The following MEGF8 variants were observed in gnomAD, a reference collection of about 807,000 sequenced individuals.
MEGF8 encodes the protein multiple epidermal growth factor-like domains protein 8.
MEGF8 carries 156 observed loss-of-function variants against 302.9 expected under a neutral mutation model. The ratio of observed to expected loss-of-function variants is 0.52; its 90% CI spans 0.45 to 0.59. The LOEUF is 0.59. MEGF8 is among the 20% of genes least tolerant of loss of function. The pLI, the probability that MEGF8 is intolerant of heterozygous loss-of-function variation, is 0.00. For synonymous variants in MEGF8, 1,621 were observed against 1,660.5 expected (o/e 0.98, Z 0.58); for missense variants, 3,345 against 3,964.5 (o/e 0.84, Z 4.20).
Position 42,352,537 on chromosome 19 carries a change from C to T in MEGF8, c.3350+81C>T, listed in dbSNP as rs900439331. 1.1e-5 allele frequency: 16 copies of T among 1,477,142 alleles called. No homozygotes were observed. In the South Asian group the frequency reaches 2.0e-4, roughly 18 times the overall value. The allele number at this position is 1,477,142 out of a possible 1,614,324, so 91.5% of individuals were successfully genotyped here. ...GTGGAGGGAGGAAGCCATCATGGCG[C>T]TGGGTCCCCTCCTGTGGAACCAGCA... On this transcript the variant is annotated intron_variant, in intron 19 of 41. Coordinates refer to ENST00000251268, the MANE Select transcript of MEGF8 (RefSeq NM_001271938.2). This position sits in a 1 kb window ranked among gnomAD's most constrained non-coding sequence, Gnocchi z 4.4.
Position 42,358,670 on chromosome 19 carries a change from C to G in MEGF8, c.5176-117C>G. 7.9e-7 allele frequency: 1 copy of G among 1,261,024 alleles called. No individual in the cohort carries two copies. Among genetic ancestry groups the G allele is most frequent in the Non-Finnish European group, 1.1e-6 (1 of 932,540 alleles). 78.1% of individuals were successfully genotyped at this position (1,261,024 alleles called of 1,614,324 possible). On this transcript the variant is annotated intron_variant, in intron 29 of 41. Transcript: ENST00000251268. The surrounding 1 kb of genome is among the most constrained non-coding windows in gnomAD (Gnocchi z 4.4). The stretch of plus-strand genomic sequence containing the variant: ...GGGAGGGCAGGGAGCCCTGTCTGCA[C>G]TGGTTAGAGAGGCTGGTGGTTTCAG...
At position 42,349,585 on chromosome 19, in the gene MEGF8, T is replaced by C. The variant is rs960135061; in HGVS notation, c.2385T>C (p.Pro795=). 82 of 1,611,784 alleles carry C rather than the reference T, an allele frequency of 5.1e-5. No homozygotes were observed. Among genetic ancestry groups the C allele is most frequent in the Non-Finnish European group, 6.9e-5 (81 of 1,179,844 alleles). The change falls in exon 14 of 42, where the codon CCT becomes CCC. Residue 795 remains proline, a synonymous_variant. Transcript: ENST00000251268. ...GGTCTGCTCGCCTCTTCCCTCTGCC[T>C]GGGCGGGACCACAAGTATGCAGTAG... ...RPGSARLFPL[P]GRDHKYAVEI...
Position 42,370,218 on chromosome 19 carries a change from GT to G in MEGF8, c.6867del (p.Phe2289LeufsTer52). On this transcript the variant is annotated frameshift_variant, in exon 39 of 42. Transcript: ENST00000251268. LOFTEE classifies it high-confidence loss of function. ...GCCACTGTGAGCAGTGCCTCCCGCT[GT>G]TTGTGGGTTCAGCTGTCGGAGGCGG... ...GSHCEQCLPL[F>X]VGSAVGGGTC... 1.2e-6 allele frequency: 2 copies of G among 1,613,642 alleles called. No homozygotes were observed. Among genetic ancestry groups the G allele is most frequent in the Non-Finnish European group, 8.5e-7 (1 of 1,179,862 alleles).
chr19:42,353,544 C>T lies in MEGF8; in HGVS notation c.3630C>T (p.Pro1210=), dbSNP rs1235464134. The change falls in exon 21 of 42, where the codon CCC becomes CCT. Residue 1210 remains proline, a synonymous_variant. Coordinates refer to ENST00000251268, the MANE Select transcript of MEGF8 (RefSeq NM_001271938.2). The surrounding 1 kb of genome is among the most constrained non-coding windows in gnomAD (Gnocchi z 6.1). ...GNATGSRGCR[P]CQCNGHGDPR... is the part of the protein sequence containing the mutation. The stretch of plus-strand genomic sequence containing the variant: ...CCACAGGCTCTAGGGGCTGCCGGCC[C>T]TGCCAGTGCAACGGGCACGGGGACC... 6.2e-7 allele frequency: 1 copy of T among 1,606,336 alleles called. No homozygotes were observed.
rs548945656 is a variant in MEGF8, at chr19:42,335,051, G to A, written c.575G>A (p.Arg192His). 9.3e-6 allele frequency: 15 copies of A among 1,612,866 alleles called. No individual in the cohort carries two copies. Among genetic ancestry groups the A allele is most frequent in the East Asian group, 4.5e-5 (2 of 44,864 alleles). ...TTCCCGCAGCCCCTGGGACCATGCC[G>A]CTGTGAGCCTGGCTTCTTGGGACGT... ...GTCASPLGPC[R>H]CEPGFLGRAC... Residue 192 changes from arginine (R) to histidine (H), a missense_variant, in exon 4 of 42, where the codon CGC becomes CAC. By Grantham distance (29) the Arg-to-His change is conservative (BLOSUM62 0). Coordinates refer to ENST00000251268, the MANE Select transcript of MEGF8 (RefSeq NM_001271938.2).
In MEGF8 at chr19:42,353,365, T is replaced by C. The variant is rs2039404293; in HGVS notation, c.3551-100T>C. 2 of 1,382,610 alleles carry C rather than the reference T, an allele frequency of 1.4e-6. No homozygotes were observed. Among genetic ancestry groups the C allele is most frequent in the Non-Finnish European group, 2.0e-6 (2 of 1,015,728 alleles). The allele number at this position is 1,382,610 out of a possible 1,614,324, so 85.6% of individuals were successfully genotyped here. A position where few individuals can be genotyped will look rare whatever the true frequency, so the allele number is the denominator to read the frequency against. ...TGATCTGGGCCTTGGTTTCTCACCTTTGAAGCGGCTGGGTGGGGTCAGGGT... is the reference window on the plus strand; with the variant it reads ...TGATCTGGGCCTTGGTTTCTCACCTCTGAAGCGGCTGGGTGGGGTCAGGGT... On this transcript the variant is annotated intron_variant, in intron 20 of 41. Transcript: ENST00000251268. The surrounding 1 kb of genome is among the most constrained non-coding windows in gnomAD (Gnocchi z 6.1).
Position 42,343,976 on chromosome 19 carries a change from T to G in MEGF8, c.1691T>G (p.Met564Arg), listed in dbSNP as rs1309551308. Reference sequence around the variant, plus strand: ...CAGTACCACTTGGACTACTGCTCCATGTACACAGACCACAGCGTCTGCTCC... The same window carrying G: ...CAGTACCACTTGGACTACTGCTCCAGGTACACAGACCACAGCGTCTGCTCC... ...APDYHLDYCS[M>R]YTDHSVCSRD... The change falls in exon 10 of 42, where the codon ATG (methionine) becomes AGG (arginine). Residue 564 changes from methionine (M) to arginine (R), a missense_variant. Transcript: ENST00000251268. 1 of 1,613,736 alleles carries G rather than the reference T, an allele frequency of 6.2e-7. No homozygotes were observed. Among genetic ancestry groups the G allele is most frequent in the East Asian group, 2.2e-5 (1 of 44,872 alleles).
intron 40 of MEGF8, 142 bp downstream of exon 40, chr19:42,370,973 C>T (rs938145044): frequency 3.6e-5 from 21 of 586,038 alleles, no homozygotes; most frequent in African/African-American, 3.2e-4. Flanking sequence ...CCCCAGGGAG[C>T]GCCCAGGCTG....
Position 42,368,904 on chromosome 19 carries a change from G to C in MEGF8, c.6543G>C (p.Glu2181Asp). ...TCCTGTCCTGCCCCCCTGAGGACGA[G>C]TGTGCAAACGGGCACCACGACTGCA... Reference protein sequence around the residue: ...WAFLSCPPEDECANGHHDCNE... With the variant: ...WAFLSCPPEDDCANGHHDCNE... Residue 2181 changes from glutamate to aspartate, a missense_variant, in exon 37 of 42, where the codon GAG (glutamate) becomes GAC (aspartate). By Grantham distance (45) the Glu-to-Asp change is conservative. Transcript: ENST00000251268. This position sits in a 1 kb window ranked among gnomAD's most constrained non-coding sequence, Gnocchi z 4.9. The C allele has an allele frequency of 6.2e-7, 1 of 1,613,924 alleles. No homozygotes were observed. Among genetic ancestry groups the C allele is most frequent in the Non-Finnish European group, 8.5e-7 (1 of 1,179,898 alleles).
rs952857076 is a variant in MEGF8, at chr19:42,358,712, C to T, written c.5176-75C>T. The T allele has an allele frequency of 4.2e-6, 6 of 1,444,626 alleles. No homozygotes were observed. The highest frequency in any genetic ancestry group is 2.8e-5 in the Admixed American group (1 of 35,158). 89.5% of individuals were successfully genotyped at this position (1,444,626 alleles called of 1,614,324 possible). ...TGGTTTCAGTCCACACGTTTCCAAG[C>T]CCGTCTTGGAGGCAGGGGGCTAGAA... On this transcript the variant is annotated intron_variant, in intron 29 of 41. Transcript: ENST00000251268. This position sits in a 1 kb window ranked among gnomAD's most constrained non-coding sequence, Gnocchi z 4.4.
intron 39 of MEGF8, 165 bp downstream of exon 39, chr19:42,370,524 C>A (rs1568576807): frequency 5.5e-6 from 5 of 904,122 alleles, no homozygotes; most frequent in African/African-American, 1.7e-5. Flanking sequence ...GTCTTGAACT[C>A]CTGGGTCTGA....
rs1223679524 is a variant in MEGF8, at chr19:42,358,102, T to C, written c.5012-42T>C. The stretch of plus-strand genomic sequence containing the variant: ...CGGGAGGTCGGCGGGGTCAGTGCTG[T>C]TGTCAGCCCCTCCCCCAGCCTGTCA... On this transcript the variant is annotated intron_variant, in intron 28 of 41. Coordinates refer to ENST00000251268, the MANE Select transcript of MEGF8 (RefSeq NM_001271938.2). The surrounding 1 kb of genome is among the most constrained non-coding windows in gnomAD (Gnocchi z 4.4). The C allele has an allele frequency of 1.4e-6, 2 of 1,479,020 alleles. No homozygotes were observed. Among genetic ancestry groups the C allele is most frequent in the East Asian group, 5.2e-5 (2 of 38,234 alleles). 91.6% of individuals were successfully genotyped at this position (1,479,020 alleles called of 1,614,324 possible). A position where few individuals can be genotyped will look rare whatever the true frequency, so the allele number is the denominator to read the frequency against.
Position 42,356,820 on chromosome 19 carries a change from G to A in MEGF8, c.4669G>A (p.Glu1557Lys), listed in dbSNP as rs767649270. Reference sequence around the variant, plus strand: ...GTGGACACAGATGCTGGCGGGAGCCGAGGACGGGGGCCCAGGCCCATCGCC... The same window carrying A: ...GTGGACACAGATGCTGGCGGGAGCCAAGGACGGGGGCCCAGGCCCATCGCC... Reference protein sequence around the residue: ...RRWTQMLAGAEDGGPGPSPRS... With the variant: ...RRWTQMLAGAKDGGPGPSPRS... The change falls in exon 27 of 42, where the codon GAG (glutamate) becomes AAG (lysine). Residue 1557 changes from glutamate (E) to lysine (K), a missense_variant. Glu to Lys is a moderately conservative substitution (Grantham distance 56). Transcript: ENST00000251268. The surrounding 1 kb of genome is among the most constrained non-coding windows in gnomAD (Gnocchi z 5.2). 2.1e-5 allele frequency: 33 copies of A among 1,557,996 alleles called. No individual in the cohort carries two copies. Among genetic ancestry groups the A allele is most frequent in the South Asian group, 7.1e-5 (6 of 84,644 alleles).
chr19:42,349,731 C>A, intron 14 of MEGF8, 32 bp downstream of exon 14: 1 of 1,595,232 alleles, frequency 6.3e-7, no homozygotes, highest in Admixed American at 1.7e-5. Context: ...CCAACCCTAG[C>A]CGCAGGCCCC....
chr19:42,337,406 C>G (rs1453532796), intron 8 of MEGF8, among the ~76,000 whole-genome samples, 200 bp downstream of exon 8: 1 of 152,212 alleles, frequency 6.6e-6, no homozygotes, highest in Non-Finnish European at 1.5e-5. Flanking sequence ...ACCGCAGTAT[C>G]CAATGTGGGT....
At chr19:42,371,588 A>G in intron 41 of MEGF8, 106 bp downstream of exon 41, 1 of 1,490,212 alleles carries the variant, frequency 6.7e-7, no homozygotes, top group Non-Finnish European at 9.1e-7. Context: ...ATGGTTCCAA[A>G]TCAGTGGTTT....
chr19:42,334,437 C>T (rs940248623), intron 3 of MEGF8, among the ~76,000 whole-genome samples: 2 of 151,830 alleles, frequency 1.3e-5, no homozygotes, highest in African/African-American at 2.4e-5. Flanking sequence ...GGATATCCCA[C>T]TCTCATCTAT....
rs745705294 is a variant in MEGF8 at position 42,336,777 on chromosome 19, T to C, written c.1245-30T>C. On this transcript the variant is annotated intron_variant, in intron 6 of 41. Coordinates refer to ENST00000251268, the MANE Select transcript of MEGF8 (RefSeq NM_001271938.2). This position sits in a 1 kb window ranked among gnomAD's most constrained non-coding sequence, Gnocchi z 4.8. ...GGAGGGAGAGAGACGCTTCCTGCCC[T>C]GAGCCCCTGCCCTGCTTCTCCTTCG... The C allele has an allele frequency of 4.5e-6, 7 of 1,552,586 alleles. No homozygotes were observed. The highest frequency in any genetic ancestry group is 6.1e-6 in the Non-Finnish European group (7 of 1,151,142).
rs914915476 is a variant in MEGF8, at chr19:42,352,819, T to G, written c.3351-109T>G. The G allele has an allele frequency of 6.9e-6, 6 of 864,914 alleles. No individual in the cohort carries two copies. In the East Asian group the frequency reaches 1.6e-4, roughly 23 times the overall value. 53.6% of individuals were successfully genotyped at this position (864,914 alleles called of 1,614,324 possible). A position where few individuals can be genotyped will look rare whatever the true frequency, so the allele number is the denominator to read the frequency against. On this transcript the variant is annotated intron_variant, in intron 19 of 41. Coordinates refer to ENST00000251268, the MANE Select transcript of MEGF8 (RefSeq NM_001271938.2). This position sits in a 1 kb window ranked among gnomAD's most constrained non-coding sequence, Gnocchi z 4.4. Reference sequence around the variant, plus strand: ...GGGTCACCCACATAGCCCAAAACCATGGAAACAGCCAGTGGCTTTGATGGT... The same window carrying G: ...GGGTCACCCACATAGCCCAAAACCAGGGAAACAGCCAGTGGCTTTGATGGT...
Sources: gnomAD v4.1 joint callset for allele counts (sites outside exome capture counted in the v4.1 genomes callset) on GRCh38, gnomAD v4.1.1 for gene constraint, Gnocchi (gnomAD v3.1) non-coding constraint, MANE v1.5 for transcripts, NCBI Gene and HGNC (gene_info 2026-07-23, HGNC 2026-07-21) for gene names.